Variants in EHBP1 observed in about 807,000 individuals in gnomAD.
EHBP1 encodes EH domain binding protein 1.
EHBP1 carries 55 observed loss-of-function variants against 144.0 expected under a neutral mutation model. The observed-to-expected ratio is 0.38, with a 90% confidence interval of 0.31 to 0.48. EHBP1 has a LOEUF of 0.48. Ranked by LOEUF, EHBP1 falls within the 20% of genes least tolerant of loss-of-function variation. EHBP1 has a pLI of 0.98. For missense variants in EHBP1, 1,200 were observed against 1,364.2 expected (o/e 0.88, Z 1.90); for synonymous variants, 469 against 472.7 (o/e 0.99, Z 0.10).
chr2:62,892,380 A>G (rs2152918506), intron 10 of EHBP1, among the ~76,000 whole-genome samples: 1 of 151,988 alleles, frequency 6.6e-6, no homozygotes, highest in African/African-American at 2.4e-5. Context: ...GCAAAACAGA[A>G]AAGGTTCATT....
chr2:62,789,294 C>A (rs979932117), intron 5 of EHBP1, among the ~76,000 whole-genome samples: 5 of 152,270 alleles, frequency 3.3e-5, no homozygotes, highest in African/African-American at 1.2e-4. Context: ...CCTTGGAATT[C>A]CTAACTTGGT....
intron 19 of EHBP1, among the ~76,000 whole-genome samples, chr2:63,017,468 C>G (rs1479344849): frequency 3.3e-5 from 5 of 152,178 alleles, no homozygotes; most frequent in South Asian, 4.1e-4. Context: ...AGTATGGCAA[C>G]TAAGAGAAAT....
At chr2:62,962,268 G>T (rs1651608198) in intron 14 of EHBP1, among the ~76,000 whole-genome samples, 1 of 152,186 alleles carries the variant, frequency 6.6e-6, no homozygotes, top group Non-Finnish European at 1.5e-5. Context: ...AGAGGTTGCA[G>T]TGAGCCAAGA....
intron 10 of EHBP1, among the ~76,000 whole-genome samples, chr2:62,900,084 C>G (rs1050775588): frequency 6.6e-6 from 1 of 152,170 alleles, no homozygotes; most frequent in African/African-American, 2.4e-5. Flanking sequence ...TGGAAAACCT[C>G]TGTTCAGTAG....
intron 19 of EHBP1, among the ~76,000 whole-genome samples, chr2:63,019,033 T>C (rs1264379354): frequency 6.6e-6 from 1 of 152,220 alleles, no homozygotes; most frequent in Non-Finnish European, 1.5e-5. Context: ...AATATCACCC[T>C]TTCTTTTTTT....
chr2:62,854,843 C>T (rs1043823894), intron 7 of EHBP1, among the ~76,000 whole-genome samples: 1 of 152,330 alleles, frequency 6.6e-6, no homozygotes, highest in Non-Finnish European at 1.5e-5. Flanking sequence ...AAGCAGCTGG[C>T]GGGAACTGGG....
intron 5 of EHBP1, among the ~76,000 whole-genome samples, chr2:62,817,994 G>T (rs2045572738): frequency 6.6e-6 from 1 of 151,838 alleles, no homozygotes; most frequent in South Asian, 2.1e-4. Flanking sequence ...ACATAAAAAT[G>T]CTCCTGTCAT....
At chr2:62,767,078 C>T (rs1245144356) in intron 4 of EHBP1, among the ~76,000 whole-genome samples, 1 of 152,068 alleles carries the variant, frequency 6.6e-6, no homozygotes, top group Non-Finnish European at 1.5e-5. Context: ...ATCAGTAGCC[C>T]CGCTGATTTG....
At chr2:62,839,162 C>T (rs1021446213) in intron 7 of EHBP1, among the ~76,000 whole-genome samples, 3 of 151,168 alleles carry the variant, frequency 2.0e-5, no homozygotes, top group African/African-American at 7.3e-5. Context: ...TGGGCTTCAT[C>T]CGTGGGATGC....
At chr2:62,964,228 C>T (rs1203802294) in intron 14 of EHBP1, among the ~76,000 whole-genome samples, 2 of 152,042 alleles carry the variant, frequency 1.3e-5, no homozygotes, top group African/African-American at 4.8e-5. Flanking sequence ...ATTATGTGGC[C>T]ACGAACCCCT....
chr2:62,921,271 C>G (rs1380299479), intron 10 of EHBP1, among the ~76,000 whole-genome samples: 1 of 151,890 alleles, frequency 6.6e-6, no homozygotes, highest in African/African-American at 2.4e-5. Flanking sequence ...CATAGCGAAA[C>G]CCCATCTTTA....
At chr2:62,890,957 A>C (rs1431821412) in intron 10 of EHBP1, among the ~76,000 whole-genome samples, 5 of 152,154 alleles carry the variant, frequency 3.3e-5, no homozygotes, top group Non-Finnish European at 7.3e-5. Flanking sequence ...AGGCAGGTAG[A>C]TCACAAGATC....
rs2055223499 is a variant in EHBP1, at chr2:62,923,212, C to CAAAAT, written c.1186-19506_1186-19505insAAAAT. On this transcript the variant is annotated intron_variant, in intron 10 of 22. Coordinates refer to ENST00000431489, the MANE Select transcript of EHBP1 (RefSeq NM_001142616.3). ...CAACCTCAGCAATACAAAATCTGGACCCAAGATTGGCTATGACATTGGTCC... is the reference window on the plus strand; with the variant it reads ...CAACCTCAGCAATACAAAATCTGGACAAAATCCAAGATTGGCTATGACATTGGTCC... Among the ~76,000 whole-genome samples the CAAAAT allele has an allele frequency of 3.3e-5, 5 of 152,298 alleles. No individual in the cohort carries two copies. The South Asian group carries it at 1.0e-3, about 32-fold the overall frequency.
chr2:62,877,380 G>T (rs2050978999), intron 10 of EHBP1, among the ~76,000 whole-genome samples: 1 of 152,130 alleles, frequency 6.6e-6, no homozygotes, highest in Non-Finnish European at 1.5e-5. Context: ...CCTACAAAGA[G>T]ATAACTATGC....
chr2:62,881,437 A>C lies in EHBP1; in HGVS notation c.1185+6905A>C, dbSNP rs1213352495. On this transcript the variant is annotated intron_variant, in intron 10 of 22. Coordinates refer to ENST00000431489, the MANE Select transcript of EHBP1 (RefSeq NM_001142616.3). ...AAAACGGAAAAAAAAAAAAAAAAAA[A>C]AAGAAGGAAAGGAAAGGGAAAGGAA... 2.0e-5 allele frequency among the ~76,000 whole-genome samples: 3 copies of C among 151,570 alleles called. No homozygotes were observed. The East Asian group carries it at 5.8e-4, about 29-fold the overall frequency.
intron 1 of EHBP1, among the ~76,000 whole-genome samples, chr2:62,681,094 C>T (rs1035573670): frequency 2.0e-5 from 3 of 151,452 alleles, no homozygotes; most frequent in Middle Eastern, 3.2e-3. Flanking sequence ...AGGTGGATCA[C>T]CTGAGGTCAG....
intron 19 of EHBP1, among the ~76,000 whole-genome samples, chr2:63,020,993 T>TC (rs1216040070): frequency 1.4e-4 from 20 of 143,852 alleles, no homozygotes; most frequent in African/African-American, 5.2e-4. Context: ...TTTTTTTTTT[T>TC]TTTTTTTTTT....
chr2:62,789,239 G>T (rs1218872819), intron 5 of EHBP1, among the ~76,000 whole-genome samples: 1 of 152,174 alleles, frequency 6.6e-6, no homozygotes, highest in Non-Finnish European at 1.5e-5. Context: ...GGTTCAGAAT[G>T]TACATTAGGA....
intron 10 of EHBP1, among the ~76,000 whole-genome samples, chr2:62,904,903 G>T (rs2053679760): frequency 6.6e-6 from 1 of 152,152 alleles, no homozygotes; most frequent in Non-Finnish European, 1.5e-5. Context: ...AGCAAGTCCT[G>T]CCCTTGGGGA....
Sources: allele counts gnomAD v4.1 joint callset (sites outside exome capture counted in the v4.1 genomes callset), GRCh38; gene constraint gnomAD v4.1.1; transcripts MANE v1.5; gene names NCBI Gene and HGNC (gene_info 2026-07-23, HGNC 2026-07-21).